Variants in TMEM132B observed in about 807,000 individuals in gnomAD.
TMEM132B encodes transmembrane protein 132B.
In TMEM132B, 18 loss-of-function variants were observed where a neutral mutation model predicts 90.8. The ratio of observed to expected loss-of-function variants is 0.20; its 90% confidence interval spans 0.14 to 0.29. The LOEUF (loss-of-function observed/expected upper bound fraction) is 0.29, where lower values mean the gene tolerates loss of function less well. Among genes scored for constraint, TMEM132B ranks in the 10% least tolerant of loss-of-function variants. The probability of loss-of-function intolerance (pLI) is 1.00; values close to 1 mark genes in which losing one functional copy is unlikely to be tolerated. For missense variants in TMEM132B, 1,096 were observed against 1,326.8 expected, an observed-to-expected ratio of 0.83 and a Z score of 2.70; for synonymous variants, 504 against 523.3, an observed-to-expected ratio of 0.96 and a Z score of 0.50.
At chr12:125,531,730 G>T (rs1883652372) in intron 4 of TMEM132B, among the ~76,000 whole-genome samples, 1 of 152,228 alleles carries the variant, frequency 6.6e-6, no homozygotes, top group Non-Finnish European at 1.5e-5. Context: ...CATTTCACCT[G>T]ATTGATCCTA....
chr12:125,572,160 A>G (rs61457193), intron 4 of TMEM132B, among the ~76,000 whole-genome samples: 2,181 of 152,330 alleles, frequency 0.014, 50 homozygotes, highest in African/African-American at 0.051. Flanking sequence ...TTCAGGACAT[A>G]CAATGCATAT....
chr12:125,395,364 G>T (rs147569319), intron 2 of TMEM132B, among the ~76,000 whole-genome samples: 10 of 152,262 alleles, frequency 6.6e-5, no homozygotes, highest in African/African-American at 2.4e-4. Context: ...TCCATAAAAG[G>T]TCAGGTTATT....
In TMEM132B at chr12:125,354,673, G is replaced by A. The variant is rs141804246; in HGVS notation, c.959+4330G>A. Among the ~76,000 whole-genome samples the A allele has an allele frequency of 3.2e-4, 48 of 152,340 alleles. No homozygotes were observed. The East Asian group carries it at 9.1e-3, about 29-fold the overall frequency. ...TGTGGGAGTCAGAAGTGACCAGTGG[G>A]TGCATCACAGGGAGTGAAACCACCC... On this transcript the variant is annotated intron_variant, in intron 2 of 8. Coordinates refer to ENST00000682704, the MANE Select transcript of TMEM132B (RefSeq NM_001366854.1).
intron 5 of TMEM132B, among the ~76,000 whole-genome samples, chr12:125,607,220 C>T (rs1046144709): frequency 1.3e-5 from 2 of 152,074 alleles, no homozygotes; most frequent in Admixed American, 1.3e-4. Flanking sequence ...ATGTGTTTAA[C>T]TTATGTTAAA....
intron 4 of TMEM132B, among the ~76,000 whole-genome samples, chr12:125,581,177 A>C (rs1266918847): frequency 3.3e-5 from 5 of 152,216 alleles, no homozygotes; most frequent in African/African-American, 1.2e-4. Context: ...AGTTTGGGAA[A>C]TATATTGTAA....
chr12:125,443,129 C>A (rs141347992), intron 3 of TMEM132B, among the ~76,000 whole-genome samples: 1 of 152,322 alleles, frequency 6.6e-6, no homozygotes, highest in African/African-American at 2.4e-5. Context: ...GGAGCTGTGT[C>A]TGCCTTGGGT....
At chr12:125,563,016 T>TTAGGGTTAGGGTACA (rs1420275253) in intron 4 of TMEM132B, among the ~76,000 whole-genome samples, 1 of 151,988 alleles carries the variant, frequency 6.6e-6, no homozygotes, top group Non-Finnish European at 1.5e-5. Context: ...GACAGGGGAA[T>TTAGGGTTAGGGTACA]GGCTGGTCAG....
chr12:125,389,954 T>A (rs928349605), intron 2 of TMEM132B, among the ~76,000 whole-genome samples: 5 of 152,222 alleles, frequency 3.3e-5, no homozygotes, highest in Non-Finnish European at 7.3e-5. Flanking sequence ...CGATGAATTT[T>A]TACAAAATGA....
intron 4 of TMEM132B, among the ~76,000 whole-genome samples, chr12:125,566,962 G>T (rs956195311): frequency 6.7e-5 from 10 of 149,144 alleles, no homozygotes; most frequent in African/African-American, 2.5e-4. Flanking sequence ...TCCTGCCTCA[G>T]CCTCCAGAAT....
At chr12:125,541,259 C>T (rs1209440885) in intron 4 of TMEM132B, among the ~76,000 whole-genome samples, 1 of 152,318 alleles carries the variant, frequency 6.6e-6, no homozygotes, top group East Asian at 1.9e-4. Flanking sequence ...AGAGAGTCCT[C>T]AACAAATATT....
chr12:125,473,317 C>T (rs1169801357), intron 3 of TMEM132B, among the ~76,000 whole-genome samples: 1 of 152,162 alleles, frequency 6.6e-6, no homozygotes. Context: ...TTAATTTTTC[C>T]CAAGTATCTT....
chr12:125,402,368 T>G (rs950604779), intron 2 of TMEM132B, among the ~76,000 whole-genome samples: 14 of 152,154 alleles, frequency 9.2e-5, no homozygotes, highest in African/African-American at 3.1e-4. Flanking sequence ...TTTTGTATTT[T>G]TAGTAGAGAC....
chr12:125,224,188 G>T (rs779307563), intron 1 of TMEM132B, among the ~76,000 whole-genome samples: 1 of 152,228 alleles, frequency 6.6e-6, no homozygotes, highest in East Asian at 1.9e-4. Flanking sequence ...CCATTCATTT[G>T]TTGATAGACA....
At chr12:125,397,979 A>G (rs1879213341) in intron 2 of TMEM132B, among the ~76,000 whole-genome samples, 1 of 152,206 alleles carries the variant, frequency 6.6e-6, no homozygotes, top group South Asian at 2.1e-4. Flanking sequence ...AAATAAGAGT[A>G]TGTCCCACAT....
At chr12:125,188,751 C>T (rs1171492479) in intron 1 of TMEM132B, among the ~76,000 whole-genome samples, 20 of 151,238 alleles carry the variant, frequency 1.3e-4, no homozygotes, top group African/African-American at 4.4e-4. Flanking sequence ...GCCATCGCCC[C>T]GTCCCTGGAA....
intron 1 of TMEM132B, among the ~76,000 whole-genome samples, chr12:125,263,865 G>T (rs1016770618): frequency 6.6e-6 from 1 of 152,196 alleles, no homozygotes; most frequent in African/African-American, 2.4e-5. Context: ...AGGGAATTGT[G>T]GAGTAGGTTT....
chr12:125,306,636 A>C (rs1236070919), intron 1 of TMEM132B, among the ~76,000 whole-genome samples: 1 of 152,166 alleles, frequency 6.6e-6, no homozygotes, highest in East Asian at 1.9e-4. Context: ...TTCAGAAATT[A>C]ACTCCTTCTC....
At chr12:125,576,091 A>C (rs1884934816) in intron 4 of TMEM132B, among the ~76,000 whole-genome samples, 1 of 152,080 alleles carries the variant, frequency 6.6e-6, no homozygotes, top group Non-Finnish European at 1.5e-5. Context: ...TAACAATATT[A>C]AGTTTTCCAA....
intron 1 of TMEM132B, among the ~76,000 whole-genome samples, chr12:125,214,955 G>A (rs1403038287): frequency 1.3e-5 from 2 of 152,202 alleles, no homozygotes; most frequent in East Asian, 3.9e-4. Flanking sequence ...CTCCCTCTGA[G>A]ACTTCTGTTC....
Sources: allele counts gnomAD v4.1 joint callset (sites outside exome capture counted in the v4.1 genomes callset), GRCh38; gene constraint gnomAD v4.1.1; transcripts MANE v1.5; gene names NCBI Gene and HGNC (gene_info 2026-07-23, HGNC 2026-07-21).